The following CEP135 variants were observed in gnomAD, a reference collection of about 807,000 sequenced individuals.
CEP135 encodes the protein centrosomal protein 135.
In CEP135, 142 loss-of-function variants were observed where a neutral mutation model predicts 157.3. The observed-to-expected ratio is 0.90, with a 90% confidence interval of 0.79 to 1.04. CEP135 has a LOEUF of 1.04. Among genes scored for constraint, CEP135 ranks in the 50% least tolerant of loss-of-function variants. The pLI, the probability that CEP135 is intolerant of heterozygous loss-of-function variation, is 0.00. For missense variants in CEP135, 1,317 were observed against 1,309.2 expected, an observed-to-expected ratio of 1.01 and a Z score of -0.09; for synonymous variants, 396 against 439.8, an observed-to-expected ratio of 0.90 and a Z score of 1.25.
chr4:56,004,251 TTC>T (rs1464700410), intron 17 of CEP135, among the ~76,000 whole-genome samples: 2 of 152,252 alleles, frequency 1.3e-5, no homozygotes, highest in Non-Finnish European at 2.9e-5. Flanking sequence ...TCTAGTTTTA[TTC>T]TGTTTTATTC....
At chr4:55,981,049 C>G (rs1339689052) in intron 12 of CEP135, among the ~76,000 whole-genome samples, 178 bp from the exon 13 acceptor site, 5 of 151,968 alleles carry the variant, frequency 3.3e-5, no homozygotes, top group African/African-American at 1.2e-4. Context: ...TCCCTCAATC[C>G]CCTTGTCTTT....
chr4:55,985,176 A>G, intron 13 of CEP135, 105 bp from the exon 14 acceptor site: 1 of 500,550 alleles, frequency 2.0e-6, no homozygotes, highest in East Asian at 3.0e-5. Context: ...GTTTTATGAA[A>G]GGACAAATAC....
At chr4:56,010,231 C>T (rs1055279565) in intron 19 of CEP135, among the ~76,000 whole-genome samples, 4 of 145,580 alleles carry the variant, frequency 2.7e-5, no homozygotes, top group Non-Finnish European at 6.0e-5. Context: ...GGCCTGGCGG[C>T]ATGCGCCTGT....
chr4:55,964,706 A>G (rs1343456991), intron 7 of CEP135, among the ~76,000 whole-genome samples: 3 of 152,078 alleles, frequency 2.0e-5, no homozygotes, highest in African/African-American at 4.8e-5. Context: ...GTATATATGG[A>G]CTTGGAAAGA....
rs1258085141 is a variant in CEP135 at position 55,964,311 on chromosome 4, T to C, written c.737T>C (p.Val246Ala). The change falls in exon 7 of 26, where the codon GTT (valine) becomes GCT (alanine). Residue 246 changes from valine to alanine, a missense_variant. Transcript: ENST00000257287. The stretch of plus-strand genomic sequence containing the variant: ...GAACGAGAGATAGAACGACTGTCAG[T>C]TGCTTTGGATGGTGGTCGGTCCCCT... ...LREREIERLS[V>A]ALDGGRSPDV... The C allele has an allele frequency of 1.1e-5, 17 of 1,613,324 alleles. No homozygotes were observed. Among genetic ancestry groups the C allele is most frequent in the Middle Eastern group, 3.3e-4 (2 of 6,050 alleles).
intron 7 of CEP135, 49 bp downstream of exon 7, chr4:55,964,451 A>G: frequency 7.0e-7 from 1 of 1,419,838 alleles, no homozygotes. Flanking sequence ...TGGTGTTTAT[A>G]ATAAACACTA....
At chr4:56,006,819 C>G (rs890881116) in intron 17 of CEP135, among the ~76,000 whole-genome samples, 1 of 152,080 alleles carries the variant, frequency 6.6e-6, no homozygotes. Flanking sequence ...TTGTTTCTTG[C>G]AGATGTATGT....
chr4:56,023,350 C>G (rs959071104), intron 24 of CEP135, among the ~76,000 whole-genome samples: 11 of 152,030 alleles, frequency 7.2e-5, no homozygotes, highest in African/African-American at 2.7e-4. Context: ...GATGTAGTGT[C>G]ATGCAAGCTA....
chr4:55,949,555 C>T (rs974270312), intron 1 of CEP135, among the ~76,000 whole-genome samples: 1 of 152,136 alleles, frequency 6.6e-6, no homozygotes, highest in Non-Finnish European at 1.5e-5. Flanking sequence ...CTGAGATAAC[C>T]ACAGCTAACG....
At chr4:56,029,351 CAGTGGCCCAATTCTCTAATCAT>C (rs1217724813) in intron 25 of CEP135, among the ~76,000 whole-genome samples, 1 of 152,142 alleles carries the variant, frequency 6.6e-6, no homozygotes, top group Non-Finnish European at 1.5e-5. Context: ...GGTGTGGAGC[CAGTGGCCCAATTCTCTAATCAT>C]GCATTGGTCT....
rs779627460 is a variant in CEP135 at position 56,011,901 on chromosome 4, A to G, written c.2718A>G (p.Ser906=). Residue 906 remains serine (S), a synonymous_variant, in exon 21 of 26, where the codon TCA becomes TCG. Transcript: ENST00000257287. The stretch of plus-strand genomic sequence containing the variant: ...ATCAAGCTGAGGGAGAAAGCAGCTC[A>G]GTTCGACTGGAACTTCTTTCTATTG... ...KAHQAEGESS[S]VRLELLSIDT... 1 of 1,606,018 alleles carries G rather than the reference A, an allele frequency of 6.2e-7. No homozygotes were observed. The highest frequency in any genetic ancestry group is 1.1e-5 in the South Asian group (1 of 89,980).
At chr4:55,991,281 T>C (rs1261938920) in intron 14 of CEP135, among the ~76,000 whole-genome samples, 4 of 151,954 alleles carry the variant, frequency 2.6e-5, no homozygotes, top group Non-Finnish European at 2.9e-5. Flanking sequence ...AAAGCAAGTA[T>C]ACTTGTATTT....
intron 5 of CEP135, among the ~76,000 whole-genome samples, chr4:55,958,217 T>C (rs1025631527): frequency 6.6e-6 from 1 of 152,186 alleles, no homozygotes. Context: ...GGAGGATCGC[T>C]TGAACCCATG....
At position 56,009,778 on chromosome 4, in the gene CEP135, A is replaced by G; in HGVS notation, c.2380A>G (p.Ser794Gly). Reference sequence around the variant, plus strand: ...GGTTAATCGAGATCGTGAGATAAACAGCCTCCGGCGCCAGCTTGATGCAGC... The same window carrying G: ...GGTTAATCGAGATCGTGAGATAAACGGCCTCCGGCGCCAGCTTGATGCAGC... ...TLVNRDREIN[S>G]LRRQLDAAHK... Residue 794 changes from serine (S) to glycine (G), a missense_variant, in exon 19 of 26, where the codon AGC (serine) becomes GGC (glycine). Transcript: ENST00000257287. 1.2e-6 allele frequency: 2 copies of G among 1,613,306 alleles called. No homozygotes were observed. The highest frequency in any genetic ancestry group is 1.1e-5 in the South Asian group (1 of 90,642).
intron 7 of CEP135, 178 bp from the exon 8 acceptor site, chr4:55,965,466 C>G: frequency 1.9e-6 from 1 of 515,546 alleles, no homozygotes; most frequent in Non-Finnish European, 3.4e-6. Context: ...TATGTACTTT[C>G]ATTACACTGC....
chr4:55,996,091 G>A (rs971906117), intron 15 of CEP135, among the ~76,000 whole-genome samples: 6 of 152,132 alleles, frequency 3.9e-5, no homozygotes, highest in African/African-American at 1.2e-4. Context: ...CCCATGAGAA[G>A]TATTTATTTT....
intron 5 of CEP135, among the ~76,000 whole-genome samples, chr4:55,959,205 GA>G (rs1240295294): frequency 1.3e-5 from 2 of 152,202 alleles, no homozygotes; most frequent in Non-Finnish European, 1.5e-5. Context: ...GATTCTGTTG[GA>G]ATTAACAAGT....
intron 10 of CEP135, among the ~76,000 whole-genome samples, chr4:55,972,896 G>C (rs941965750): frequency 6.6e-6 from 1 of 152,114 alleles, no homozygotes; most frequent in Non-Finnish European, 1.5e-5. Context: ...GCTGGGCGTG[G>C]TGGTGGGTGC....
At chr4:56,013,082 C>A (rs116624383) in intron 21 of CEP135, among the ~76,000 whole-genome samples, 1 of 152,090 alleles carries the variant, frequency 6.6e-6, no homozygotes, top group Non-Finnish European at 1.5e-5. Flanking sequence ...TTTATAAGAG[C>A]CGTCATAATG....
Sources: allele counts gnomAD v4.1 joint callset (sites outside exome capture counted in the v4.1 genomes callset), GRCh38; gene constraint gnomAD v4.1.1; transcripts MANE v1.5; gene names NCBI Gene and HGNC (gene_info 2026-07-23, HGNC 2026-07-21).